Variants in NBAS observed in about 807,000 individuals in gnomAD.
NBAS encodes the protein NAG/BC035112 fusion.
In NBAS, 219 loss-of-function variants were observed where a neutral mutation model predicts 302.5. The observed-to-expected ratio is 0.72, with a 90% CI of 0.65 to 0.81. The LOEUF (loss-of-function observed/expected upper bound fraction) is 0.81, where lower values mean the gene tolerates loss of function less well. Among genes scored for constraint, NBAS ranks in the 30% least tolerant of loss-of-function variants. The pLI, the probability that NBAS is intolerant of heterozygous loss-of-function variation, is 0.00. For synonymous variants in NBAS, 1,118 were observed against 1,021.6 expected (o/e 1.09, Z -1.80); for missense variants, 2,932 against 2,841.6 (o/e 1.03, Z -0.72).
the NBAS span, among the ~76,000 whole-genome samples, chr2:14,949,160 C>T: frequency 1.3e-5 from 2 of 152,076 alleles, no homozygotes; most frequent in Non-Finnish European, 2.9e-5. Flanking sequence ...ATAGGGAAAA[C>T]ACTCCAGGAC....
chr2:14,796,933 A>C, the NBAS span, among the ~76,000 whole-genome samples: 2 of 149,542 alleles, frequency 1.3e-5, no homozygotes, highest in Non-Finnish European at 3.0e-5. Flanking sequence ...AAAAAAAAAA[A>C]AAAAAAATTA....
At chr2:14,996,329 T>A in the NBAS span, among the ~76,000 whole-genome samples, 1 of 152,188 alleles carries the variant, frequency 6.6e-6, no homozygotes, top group African/African-American at 2.4e-5. Context: ...ATACTATTTA[T>A]GATTTCAATT....
chr2:15,551,068 C>T (rs1664359388), intron 6 of NBAS, among the ~76,000 whole-genome samples: 1 of 152,098 alleles, frequency 6.6e-6, no homozygotes, highest in Non-Finnish European at 1.5e-5. Flanking sequence ...TTTTTGCTCA[C>T]AATCATTCCT....
At chr2:14,933,685 A>C in the NBAS span, among the ~76,000 whole-genome samples, 1 of 152,226 alleles carries the variant, frequency 6.6e-6, no homozygotes, top group East Asian at 1.9e-4. Flanking sequence ...GTCCAAGATG[A>C]GCAGATTTGA....
At chr2:15,441,700 A>C (rs1054704999) in intron 21 of NBAS, among the ~76,000 whole-genome samples, 1 of 151,692 alleles carries the variant, frequency 6.6e-6, no homozygotes, top group Non-Finnish European at 1.5e-5. Context: ...CAATTAAAAG[A>C]CACAGACTGG....
the NBAS span, among the ~76,000 whole-genome samples, chr2:14,781,696 T>G: frequency 6.6e-6 from 1 of 150,810 alleles, no homozygotes; most frequent in Admixed American, 6.6e-5. Context: ...CTGAGAGTAC[T>G]TTTATGAAGC....
chr2:15,224,199 A>G (rs567576104), intron 47 of NBAS, among the ~76,000 whole-genome samples: 1 of 152,332 alleles, frequency 6.6e-6, no homozygotes, highest in African/African-American at 2.4e-5. Flanking sequence ...TGTAGCATGG[A>G]AGACATTCAC....
intron 35 of NBAS, among the ~76,000 whole-genome samples, chr2:15,343,582 AAAACAAAAC>A (rs1217688619): frequency 6.6e-6 from 1 of 152,148 alleles, no homozygotes; most frequent in Non-Finnish European, 1.5e-5. Flanking sequence ...TAAGATAAAG[AAAACAAAAC>A]AAACATTATT....
At chr2:15,166,016 G>A (rs907950297), downstream of NBAS, among the ~76,000 whole-genome samples, 5 of 152,150 alleles carry the variant, frequency 3.3e-5, no homozygotes, top group Admixed American at 6.5e-5. Context: ...CCCCAGCTGT[G>A]CCTCGGCTGC....
At chr2:15,079,189 T>C in the NBAS span, among the ~76,000 whole-genome samples, 4 of 152,088 alleles carry the variant, frequency 2.6e-5, no homozygotes, top group African/African-American at 4.8e-5. Flanking sequence ...GCTTTAACTC[T>C]GACCAAGCTT....
chr2:15,454,961 G>A (rs1446423255), intron 21 of NBAS, among the ~76,000 whole-genome samples: 2 of 151,104 alleles, frequency 1.3e-5, no homozygotes, highest in African/African-American at 4.9e-5. Flanking sequence ...GGAGTGCAGT[G>A]GCACGATCTA....
At chr2:14,807,144 G>T in the NBAS span, among the ~76,000 whole-genome samples, 104 of 152,148 alleles carry the variant, frequency 6.8e-4, 1 homozygote, top group Middle Eastern at 3.4e-3. Context: ...AAATATCAGG[G>T]GGGGGTTCAC....
chr2:15,103,836 G>A, the NBAS span, among the ~76,000 whole-genome samples: 2 of 152,084 alleles, frequency 1.3e-5, no homozygotes, highest in Non-Finnish European at 2.9e-5. Context: ...TCTATCACAT[G>A]GCTAAAGGAA....
intron 7 of NBAS, chr2:15,538,468 C>T (rs1265359183): frequency 1.4e-5 from 4 of 284,088 alleles, no homozygotes; most frequent in African/African-American, 8.9e-5. Context: ...AATACCCAGG[C>T]CCCACAAAGA....
chr2:15,393,610 G>GAAATGAAAGCGTATTTCTACAC, intron 28 of NBAS: 1 of 423,316 alleles, frequency 2.4e-6, no homozygotes, highest in Admixed American at 2.7e-5. Context: ...TTGTCTGAGA[G>GAAATGAAAGCGTATTTCTACAC]AAATGAAAGC....
intron 19 of NBAS, among the ~76,000 whole-genome samples, chr2:15,462,167 T>G (rs1412369032): frequency 6.6e-6 from 1 of 152,234 alleles, no homozygotes; most frequent in Non-Finnish European, 1.5e-5. Flanking sequence ...GTGACCTATG[T>G]CAAATGCAGA....
intron 35 of NBAS, among the ~76,000 whole-genome samples, chr2:15,338,648 C>T (rs886423334): frequency 5.4e-5 from 8 of 148,148 alleles, no homozygotes; most frequent in African/African-American, 7.5e-5. Context: ...CATGCATGTG[C>T]ACTCACATGA....
In NBAS at chr2:15,317,409, TA is replaced by T. The variant is rs1319300735; in HGVS notation, c.4583-8163del. ...TGGATGGAGAATGATTTTGACAAGT[TA>T]ACAGAAGTAAGCTTCAGAAGGTCGG... On this transcript the variant is annotated intron_variant, in intron 38 of 51. Transcript: ENST00000281513. Among the ~76,000 whole-genome samples, 5 of 152,286 alleles carry T rather than the reference TA, an allele frequency of 3.3e-5. No individual in the cohort carries two copies. The East Asian group carries it at 9.7e-4, about 29-fold the overall frequency.
At position 15,421,502 on chromosome 2, in the gene NBAS, G is replaced by A. The variant is rs181874552; in HGVS notation, c.2577+2813C>T. Among the ~76,000 whole-genome samples, 12 of 152,020 alleles carry A rather than the reference G, an allele frequency of 7.9e-5. No individual in the cohort carries two copies. The East Asian group carries it at 2.3e-3, about 29-fold the overall frequency. ...CAAACAAGTTTCGCTAAAGGCACTA[G>A]GGAAAAAGAAGTCCCACATCAATTA... On this transcript the variant is annotated intron_variant, in intron 23 of 51. Transcript: ENST00000281513.
Sources: allele counts gnomAD v4.1 joint callset (sites outside exome capture counted in the v4.1 genomes callset), GRCh38; gene constraint gnomAD v4.1.1; transcripts MANE v1.5; gene names NCBI Gene and HGNC (gene_info 2026-07-23, HGNC 2026-07-21).